CSMD1: variants seen among roughly 807,000 people sequenced by gnomAD.
CSMD1 encodes CUB and Sushi multiple domains 1.
Under a neutral mutation model 417.5 loss-of-function variants are expected in CSMD1, and 213 were observed. The ratio of observed to expected loss-of-function variants is 0.51; its 90% confidence interval spans 0.46 to 0.57. The LOEUF (loss-of-function observed/expected upper bound fraction) is 0.57. CSMD1 is among the 20% of genes least tolerant of loss of function. The pLI, the probability that CSMD1 is intolerant of heterozygous loss-of-function variation, is 0.00. For missense variants in CSMD1, 6,923 were observed against 4,529.7 expected (o/e 1.53, Z -15.17); for synonymous variants, 2,862 against 1,736.8 (o/e 1.65, Z -16.11).
At chr8:4,091,568 T>C (rs1348430473) in intron 3 of CSMD1, among the ~76,000 whole-genome samples, 1 of 152,164 alleles carries the variant, frequency 6.6e-6, no homozygotes. Context: ...CGCTCCTTTC[T>C]ATCCCTCAGT....
chr8:4,856,983 A>G (rs1801839003), intron 1 of CSMD1, among the ~76,000 whole-genome samples: 1 of 151,024 alleles, frequency 6.6e-6, no homozygotes, highest in African/African-American at 2.4e-5. Context: ...GCACCACACC[A>G]CACCTATTCC....
chr8:3,717,013 T>A (rs1242042816), intron 6 of CSMD1, among the ~76,000 whole-genome samples: 1 of 152,096 alleles, frequency 6.6e-6, no homozygotes, highest in Non-Finnish European at 1.5e-5. Flanking sequence ...ACTTAAAAAA[T>A]AAAGGTCACA....
At chr8:4,220,563 G>A (rs934316385) in intron 3 of CSMD1, among the ~76,000 whole-genome samples, 1 of 152,212 alleles carries the variant, frequency 6.6e-6, no homozygotes, top group African/African-American at 2.4e-5. Context: ...TAGGTTTTGT[G>A]TGAAATAATT....
At chr8:3,672,135 T>C (rs1454498015) in intron 7 of CSMD1, among the ~76,000 whole-genome samples, 1 of 152,224 alleles carries the variant, frequency 6.6e-6, no homozygotes, top group Non-Finnish European at 1.5e-5. Context: ...CTACTTCCTC[T>C]TGCAAACTTG....
chr8:4,140,820 G>T (rs1232650879), intron 3 of CSMD1, among the ~76,000 whole-genome samples: 1 of 150,888 alleles, frequency 6.6e-6, no homozygotes, highest in African/African-American at 2.5e-5. Flanking sequence ...AATGGGCTCA[G>T]CACCCTCACT....
At chr8:4,894,294 G>A (rs1291666945) in intron 1 of CSMD1, among the ~76,000 whole-genome samples, 1 of 151,786 alleles carries the variant, frequency 6.6e-6, no homozygotes, top group Non-Finnish European at 1.5e-5. Context: ...CAAATTTATT[G>A]AATTTATATA....
intron 7 of CSMD1, among the ~76,000 whole-genome samples, chr8:3,694,026 GT>G (rs1468899829): frequency 4.4e-4 from 1 of 2,276 alleles, no homozygotes; most frequent in African/African-American, 1.4e-3. Flanking sequence ...ATTATGTGTT[GT>G]GTGTGTGTTG....
intron 38 of CSMD1, 121 bp downstream of exon 38, chr8:3,162,038 A>G (rs913395660): frequency 3.0e-6 from 2 of 661,116 alleles, no homozygotes; most frequent in African/African-American, 3.6e-5. Flanking sequence ...TTTAATATGA[A>G]TAGTATGATT....
chr8:4,633,827 C>T (rs867475199), intron 2 of CSMD1, among the ~76,000 whole-genome samples: 1 of 152,076 alleles, frequency 6.6e-6, no homozygotes, highest in Admixed American at 6.5e-5. Flanking sequence ...TCCCAAATTG[C>T]TGGGATTACA....
chr8:4,626,238 T>G (rs1802103228), intron 2 of CSMD1, among the ~76,000 whole-genome samples: 1 of 152,220 alleles, frequency 6.6e-6, no homozygotes, highest in East Asian at 1.9e-4. Context: ...CATGAAGCAA[T>G]CCCTTGTGTT....
intron 6 of CSMD1, among the ~76,000 whole-genome samples, chr8:3,737,309 G>A (rs4509357): frequency 6.6e-6 from 1 of 152,088 alleles, no homozygotes; most frequent in Admixed American, 6.5e-5. Context: ...TCCTTCAGGA[G>A]GCAAAGACAG....
intron 3 of CSMD1, among the ~76,000 whole-genome samples, chr8:4,086,089 C>G (rs933433186): frequency 2.0e-5 from 3 of 152,130 alleles, no homozygotes; most frequent in African/African-American, 7.2e-5. Flanking sequence ...CATATTTAAT[C>G]TCATTTTTCC....
At chr8:3,315,121 A>G (rs1805652275) in intron 23 of CSMD1, among the ~76,000 whole-genome samples, 1 of 152,218 alleles carries the variant, frequency 6.6e-6, no homozygotes, top group Non-Finnish European at 1.5e-5. Flanking sequence ...GGGATAATGT[A>G]CTTCTTTGGC....
chr8:4,451,190 G>C (rs956688974), intron 2 of CSMD1, among the ~76,000 whole-genome samples: 5 of 152,054 alleles, frequency 3.3e-5, no homozygotes, highest in African/African-American at 1.2e-4. Context: ...ATAACCAAGT[G>C]TGATGAGGCA....
intron 5 of CSMD1, among the ~76,000 whole-genome samples, chr8:3,758,388 C>T (rs1797789664): frequency 6.6e-6 from 1 of 152,118 alleles, no homozygotes; most frequent in South Asian, 2.1e-4. Context: ...CATGAATTTC[C>T]TGATTTGACC....
At chr8:3,154,790 T>C (rs192801649) in intron 39 of CSMD1, among the ~76,000 whole-genome samples, 49 of 152,302 alleles carry the variant, frequency 3.2e-4, no homozygotes, top group African/African-American at 1.1e-3. Flanking sequence ...TGGTTTTATA[T>C]ACATTCTCTT....
At chr8:4,985,834 G>A (rs747779961) in intron 1 of CSMD1, among the ~76,000 whole-genome samples, 1 of 152,096 alleles carries the variant, frequency 6.6e-6, no homozygotes, top group African/African-American at 2.4e-5. Flanking sequence ...CTCACAGATG[G>A]ATTGGTCTTA....
intron 11 of CSMD1, among the ~76,000 whole-genome samples, chr8:3,482,308 A>G (rs1407319130): frequency 1.3e-5 from 2 of 152,188 alleles, no homozygotes; most frequent in Non-Finnish European, 2.9e-5. Flanking sequence ...ACCCAGGCAT[A>G]TTGATAGTAA....
chr8:2,942,353 A>G, intron 69 of CSMD1, 119 bp downstream of exon 69: 1 of 936,126 alleles, frequency 1.1e-6, no homozygotes, highest in Non-Finnish European at 1.5e-6. Flanking sequence ...AAAAAAAAAA[A>G]AAGAACATTG....
Sources: gnomAD v4.1 joint callset for allele counts (sites outside exome capture counted in the v4.1 genomes callset) on GRCh38, gnomAD v4.1.1 for gene constraint, MANE v1.5 for transcripts, NCBI Gene and HGNC (gene_info 2026-07-23, HGNC 2026-07-21) for gene names.